DSCAML1: variants seen among roughly 807,000 people sequenced by gnomAD.
The protein encoded by DSCAML1 is DS cell adhesion molecule like 1.
A neutral mutation model predicts 200.5 loss-of-function variants in DSCAML1; 38 were observed. The observed-to-expected ratio is 0.19, with a 90% confidence interval of 0.15 to 0.25. The LOEUF (loss-of-function observed/expected upper bound fraction) is 0.25, where lower values mean the gene tolerates loss of function less well. DSCAML1 is among the 10% of genes least tolerant of loss of function. The probability of loss-of-function intolerance (pLI) is 1.00; values close to 1 mark genes in which losing one functional copy is unlikely to be tolerated. For missense variants in DSCAML1, 2,223 were observed against 2,858.8 expected (o/e 0.78, Z 5.07); for synonymous variants, 1,215 against 1,165.0 (o/e 1.04, Z -0.87).
chr11:117,633,386 C>T (rs563346615), intron 3 of DSCAML1, among the ~76,000 whole-genome samples: 43 of 152,302 alleles, frequency 2.8e-4, no homozygotes, highest in African/African-American at 8.9e-4. Context: ...GGGACAGACA[C>T]GGCTAAATCC....
intron 11 of DSCAML1, among the ~76,000 whole-genome samples, chr11:117,492,945 TAATTCA>T (rs2049215955): frequency 6.6e-6 from 1 of 152,206 alleles, no homozygotes; most frequent in Non-Finnish European, 1.5e-5. Context: ...AGCATGAGAT[TAATTCA>T]GATTGCATGG....
chr11:117,630,378 C>G (rs553497483), intron 3 of DSCAML1, among the ~76,000 whole-genome samples: 87 of 152,066 alleles, frequency 5.7e-4, no homozygotes, highest in Admixed American at 1.4e-3. Context: ...AGCTCAGTGG[C>G]CTTGCAGACA....
At chr11:117,485,892 T>C (rs1334927266) in intron 11 of DSCAML1, among the ~76,000 whole-genome samples, 1 of 152,234 alleles carries the variant, frequency 6.6e-6, no homozygotes, top group Non-Finnish European at 1.5e-5. Context: ...TGGCTCTTCT[T>C]GGCCTGGCCA....
chr11:117,646,673 A>G (rs2052528402), intron 3 of DSCAML1, among the ~76,000 whole-genome samples: 1 of 152,148 alleles, frequency 6.6e-6, no homozygotes, highest in Non-Finnish European at 1.5e-5. Flanking sequence ...TCGTGTTGGT[A>G]GCTTGCAATT....
intron 11 of DSCAML1, among the ~76,000 whole-genome samples, chr11:117,497,220 G>A (rs2049306412): frequency 6.6e-6 from 1 of 152,190 alleles, no homozygotes; most frequent in African/African-American, 2.4e-5. Flanking sequence ...CTGAGTCCCT[G>A]GGAGAAGGAC....
intron 3 of DSCAML1, among the ~76,000 whole-genome samples, chr11:117,554,665 C>T (rs1206295037): frequency 2.0e-5 from 3 of 152,188 alleles, no homozygotes; most frequent in African/African-American, 7.2e-5. Flanking sequence ...GTGTGAGCCA[C>T]CGCGCCCGGC....
chr11:117,515,190 C>T (rs2137301816), intron 8 of DSCAML1, among the ~76,000 whole-genome samples: 1 of 152,364 alleles, frequency 6.6e-6, no homozygotes, highest in East Asian at 1.9e-4. Context: ...GTCCACTTAT[C>T]CTCCCCAGGC....
chr11:117,710,874 A>C (rs11216510), intron 3 of DSCAML1, among the ~76,000 whole-genome samples: 11,502 of 152,232 alleles, frequency 0.076, 729 homozygotes, highest in African/African-American at 0.16. Context: ...CTCGAAAAGA[A>C]AGAGCACATC....
intron 3 of DSCAML1, among the ~76,000 whole-genome samples, chr11:117,666,328 C>A (rs1170349607): frequency 6.6e-6 from 1 of 152,200 alleles, no homozygotes; most frequent in Non-Finnish European, 1.5e-5. Context: ...CACCCAGTAG[C>A]TAGCATTTTC....
intron 20 of DSCAML1, among the ~76,000 whole-genome samples, chr11:117,449,287 G>A (rs1034175438): frequency 1.3e-5 from 2 of 152,090 alleles, no homozygotes; most frequent in African/African-American, 4.8e-5. Flanking sequence ...CTGCTTGGGT[G>A]GGTTGTGAAA....
At chr11:117,742,592 C>A (rs945607858) in intron 3 of DSCAML1, among the ~76,000 whole-genome samples, 10 of 152,238 alleles carry the variant, frequency 6.6e-5, no homozygotes, top group Admixed American at 2.0e-4. Context: ...CAAAGCAGGG[C>A]AGCTCCATAC....
intron 1 of DSCAML1, among the ~76,000 whole-genome samples, chr11:117,803,167 A>G (rs945208170): frequency 4.6e-5 from 7 of 152,094 alleles, no homozygotes; most frequent in African/African-American, 9.7e-5. Flanking sequence ...GAACACTCCT[A>G]TCACCGACTG....
At chr11:117,454,747 C>T (rs1024224512) in intron 19 of DSCAML1, among the ~76,000 whole-genome samples, 2 of 152,214 alleles carry the variant, frequency 1.3e-5, no homozygotes, top group Non-Finnish European at 2.9e-5. Context: ...AGAGAGGATT[C>T]ATGTTTGCTT....
At chr11:117,524,701 G>A in intron 5 of DSCAML1, 104 bp downstream of exon 5, 3 of 1,392,212 alleles carry the variant, frequency 2.2e-6, no homozygotes, top group Non-Finnish European at 2.9e-6. Context: ...GTTATTCCCA[G>A]GGCCTGGTCA....
intron 3 of DSCAML1, among the ~76,000 whole-genome samples, chr11:117,714,826 GAAA>G (rs1555201520): frequency 8.7e-6 from 1 of 115,552 alleles, no homozygotes; most frequent in African/African-American, 3.4e-5. Context: ...TCATCTTGAG[GAAA>G]AAAAAAAAAA....
At chr11:117,794,538 T>C (rs2055536132) in intron 1 of DSCAML1, among the ~76,000 whole-genome samples, 1 of 152,042 alleles carries the variant, frequency 6.6e-6, no homozygotes, top group Admixed American at 6.5e-5. Context: ...CTCCATCTCA[T>C]CCTGTTTTCT....
chr11:117,704,825 A>G (rs2053730818), intron 3 of DSCAML1, among the ~76,000 whole-genome samples: 1 of 152,228 alleles, frequency 6.6e-6, no homozygotes, highest in Non-Finnish European at 1.5e-5. Flanking sequence ...TTGGTACCTC[A>G]TAGCAGGGAT....
At chr11:117,670,029 T>C (rs1479429160) in intron 3 of DSCAML1, among the ~76,000 whole-genome samples, 15 of 152,260 alleles carry the variant, frequency 9.9e-5, no homozygotes, top group African/African-American at 3.6e-4. Context: ...TCCTAAGTTT[T>C]CAGCGACCTT....
intron 3 of DSCAML1, among the ~76,000 whole-genome samples, chr11:117,742,163 G>A (rs1205433770): frequency 6.6e-6 from 1 of 152,202 alleles, no homozygotes; most frequent in Non-Finnish European, 1.5e-5. Context: ...GATGCATGGA[G>A]GAGGAATTGC....
Sources: gnomAD v4.1 joint callset for allele counts (sites outside exome capture counted in the v4.1 genomes callset) on GRCh38, gnomAD v4.1.1 for gene constraint, MANE v1.5 for transcripts, NCBI Gene and HGNC (gene_info 2026-07-23, HGNC 2026-07-21) for gene names.